Variants in ZNF554 observed in about 807,000 individuals in gnomAD.
The protein encoded by ZNF554 is zinc finger protein 554.
In ZNF554, 15 loss-of-function variants were observed where a neutral mutation model predicts 21.2. The observed-to-expected ratio is 0.71, with a 90% CI of 0.47 to 1.09. The LOEUF (loss-of-function observed/expected upper bound fraction) is 1.09. ZNF554 is among the 50% of genes least tolerant of loss of function. ZNF554 has a pLI of 0.00. For missense variants in ZNF554, 691 were observed against 662.7 expected, an observed-to-expected ratio of 1.04 and a Z score of -0.47; for synonymous variants, 258 against 251.4, an observed-to-expected ratio of 1.03 and a Z score of -0.25.
At chr19:2,824,560 A>G (rs965250696) in intron 2 of ZNF554, among the ~76,000 whole-genome samples, 2 of 152,234 alleles carry the variant, frequency 1.3e-5, no homozygotes, top group African/African-American at 4.8e-5. Flanking sequence ...TGTAACTGTG[A>G]TAAAACACAC....
chr19:2,820,088 A>C lies in ZNF554; in HGVS notation c.17A>C (p.His6Pro). 2 of 1,215,404 alleles carry C rather than the reference A, an allele frequency of 1.6e-6. No individual in the cohort carries two copies. Among genetic ancestry groups the C allele is most frequent in the South Asian group, 7.9e-5 (2 of 25,208 alleles). 75.3% of individuals were successfully genotyped at this position (1,215,404 alleles called of 1,614,324 possible). A position where few individuals can be genotyped will look rare whatever the true frequency, so the allele number is the denominator to read the frequency against. Residue 6 changes from histidine (H) to proline (P), a missense_variant, in exon 1 of 5, where the codon CAC becomes CCC. His to Pro is a moderately conservative substitution (Grantham distance 77, BLOSUM62 -2). Transcript: ENST00000317243. MVTCA[H>P]LGRRARLPAA... Reference sequence around the variant, plus strand: ...CGCGCCCCGATGGTCACCTGCGCCCACCTGGGCCGGCGCGCGCGGCTCCCG... The same window carrying C: ...CGCGCCCCGATGGTCACCTGCGCCCCCCTGGGCCGGCGCGCGCGGCTCCCG...
At chr19:2,820,193 C>A in intron 1 of ZNF554, 69 bp downstream of exon 1, 1 of 1,196,962 alleles carries the variant, frequency 8.4e-7, no homozygotes, top group South Asian at 4.2e-5. Flanking sequence ...GGGGCTGGGT[C>A]TGGCGGGGCC....
Position 2,836,358 on chromosome 19 carries a change from G to A in ZNF554, c.*1506G>A, listed in dbSNP as rs1191903411. Among the ~76,000 whole-genome samples, 1 of 152,330 alleles carries A rather than the reference G, an allele frequency of 6.6e-6. No individual in the cohort carries two copies. The highest frequency in any genetic ancestry group is 1.5e-5 in the Non-Finnish European group (1 of 68,034). On this transcript the variant is annotated 3_prime_UTR_variant, in exon 5 of 5. Coordinates refer to ENST00000317243, the MANE Select transcript of ZNF554 (RefSeq NM_001102651.2). ...TGCGAGCCGCCGTGCTGGGATTACA[G>A]GTGTGAACCACTGCTCCTGGCCTTT...
At chr19:2,825,313 C>A (rs529675844) in intron 2 of ZNF554, among the ~76,000 whole-genome samples, 43 of 151,582 alleles carry the variant, frequency 2.8e-4, no homozygotes, top group African/African-American at 1.0e-3. Context: ...CACGTCCGCC[C>A]TCTGCAGTTT....
At chr19:2,833,593 G>C (rs2087448964) in intron 4 of ZNF554, 88 bp from the exon 5 acceptor site, 2 of 1,131,828 alleles carry the variant, frequency 1.8e-6, no homozygotes, top group East Asian at 4.8e-5. Context: ...CACAGGCCTT[G>C]TAGATGTCAG....
chr19:2,827,824 A>G (rs1160851580), intron 3 of ZNF554, 81 bp downstream of exon 3: 9 of 1,547,494 alleles, frequency 5.8e-6, no homozygotes, highest in Non-Finnish European at 8.0e-6. Flanking sequence ...CTGCTAATAA[A>G]GAAATACCCA....
Position 2,836,490 on chromosome 19 carries a change from T to C in ZNF554, c.*1638T>C, listed in dbSNP as rs1198673545. On this transcript the variant is annotated 3_prime_UTR_variant, in exon 5 of 5. Coordinates refer to ENST00000317243, the MANE Select transcript of ZNF554 (RefSeq NM_001102651.2). ...GTATATGCTAAGACGGAAAGCGCTT[T>C]GGAGGTAAAGTTTAAAAAATACAAG... Among the ~76,000 whole-genome samples the C allele has an allele frequency of 6.6e-6, 1 of 152,210 alleles. No homozygotes were observed. The highest frequency in any genetic ancestry group is 1.5e-5 in the Non-Finnish European group (1 of 68,028).
chr19:2,820,218 T>C (rs2087244219), intron 1 of ZNF554, 94 bp downstream of exon 1: 8 of 1,137,046 alleles, frequency 7.0e-6, no homozygotes, highest in Non-Finnish European at 8.8e-6. Context: ...GGCCGGGGCA[T>C]GACCCTGTCG....
intron 4 of ZNF554, chr19:2,833,022 T>TC (rs1262870786): frequency 4.1e-5 from 4 of 98,008 alleles, no homozygotes; most frequent in African/African-American, 1.2e-4. Flanking sequence ...TTCTATTTTT[T>TC]CCCCCCATTT....
At chr19:2,830,022 T>C (rs567526974) in intron 3 of ZNF554, among the ~76,000 whole-genome samples, 1 of 152,302 alleles carries the variant, frequency 6.6e-6, no homozygotes, top group East Asian at 1.9e-4. Flanking sequence ...CCTCCTGGGT[T>C]CACGCCATTC....
At chr19:2,832,239 T>C in intron 3 of ZNF554, 64 bp from the exon 4 acceptor site, 3 of 1,486,078 alleles carry the variant, frequency 2.0e-6, no homozygotes, top group Non-Finnish European at 2.7e-6. Flanking sequence ...ATCTGTAATT[T>C]TTTAACTAGA....
intron 2 of ZNF554, among the ~76,000 whole-genome samples, chr19:2,826,530 C>T (rs957331773): frequency 2.6e-5 from 4 of 152,066 alleles, no homozygotes; most frequent in Non-Finnish European, 4.4e-5. Flanking sequence ...CAGATACCAG[C>T]TTACGTGCTG....
At position 2,821,308 on chromosome 19, in the gene ZNF554, A is replaced by T. The variant is rs113099097; in HGVS notation, c.53+1184A>T. On this transcript the variant is annotated intron_variant, in intron 1 of 4. Coordinates refer to ENST00000317243, the MANE Select transcript of ZNF554 (RefSeq NM_001102651.2). This position sits in a 1 kb window ranked among gnomAD's most constrained non-coding sequence, Gnocchi z 8.2. Reference sequence around the variant, plus strand: ...CTCCATGTTGGCCAGCCAGGCTGGTATCGAACTCCTGACCTCAGGTGATCC... The same window carrying T: ...CTCCATGTTGGCCAGCCAGGCTGGTTTCGAACTCCTGACCTCAGGTGATCC... Among the ~76,000 whole-genome samples the T allele has an allele frequency of 6.1e-3, 923 of 151,772 alleles. 20 individuals are homozygous for T. The highest frequency in any genetic ancestry group is 0.021 in the African/African-American group (875 of 41,174).
At chr19:2,824,306 A>G (rs2087299908) in intron 2 of ZNF554, among the ~76,000 whole-genome samples, 1 of 152,324 alleles carries the variant, frequency 6.6e-6, no homozygotes, top group Non-Finnish European at 1.5e-5. Flanking sequence ...AGCTGCACCC[A>G]GGAGGGCAGA....
At position 2,822,937 on chromosome 19, in the gene ZNF554, TG is replaced by T. The variant is rs968360851; in HGVS notation, c.54-97del. 11 of 1,197,336 alleles carry T rather than the reference TG, an allele frequency of 9.2e-6. No individual in the cohort carries two copies. In the African/African-American group the frequency reaches 1.1e-4, roughly 12 times the overall value. The allele number at this position is 1,197,336 out of a possible 1,614,324, so 74.2% of individuals were successfully genotyped here. A position where few individuals can be genotyped will look rare whatever the true frequency, so the allele number is the denominator to read the frequency against. On this transcript the variant is annotated intron_variant, in intron 1 of 4. Coordinates refer to ENST00000317243, the MANE Select transcript of ZNF554 (RefSeq NM_001102651.2). ...GCTTCAGTTTACCTCCCTCTGTGTATGGGGGGCCCCTTCAAGCAAATGGAGG... is the reference window on the plus strand; with the variant it reads ...GCTTCAGTTTACCTCCCTCTGTGTATGGGGGCCCCTTCAAGCAAATGGAGG...
At chr19:2,827,858 A>T in intron 3 of ZNF554, 115 bp downstream of exon 3, 1 of 1,359,856 alleles carries the variant, frequency 7.4e-7, no homozygotes, top group Non-Finnish European at 1.0e-6. Flanking sequence ...TGTAAAGGAA[A>T]GGGGGTTTAA....
rs1447000946 is a variant in ZNF554 at position 2,820,056 on chromosome 19, C to T, written c.-16C>T. On this transcript the variant is annotated 5_prime_UTR_variant, in exon 1 of 5. Coordinates refer to ENST00000317243, the MANE Select transcript of ZNF554 (RefSeq NM_001102651.2). ...CCGCCTCGGGGGCCCTGTCTGGCGC[C>T]TCAGCGCGCGCCCCGATGGTCACCT... The T allele has an allele frequency of 1.3e-5, 16 of 1,206,758 alleles. No individual in the cohort carries two copies. Among genetic ancestry groups the T allele is most frequent in the African/African-American group, 1.6e-5 (1 of 63,250 alleles). The allele number at this position is 1,206,758 out of a possible 1,614,324, so 74.8% of individuals were successfully genotyped here.
intron 2 of ZNF554, 22 bp from the exon 3 acceptor site, chr19:2,827,595 C>A: frequency 6.2e-7 from 1 of 1,605,756 alleles, no homozygotes; most frequent in Non-Finnish European, 8.5e-7. Flanking sequence ...CCATCTTGAG[C>A]AGAACTGCTG....
rs1599541797 is a variant in ZNF554, at chr19:2,821,727, C to T, written c.54-1313C>T. Among the ~76,000 whole-genome samples, 2 of 152,164 alleles carry T rather than the reference C, an allele frequency of 1.3e-5. No homozygotes were observed. Among genetic ancestry groups the T allele is most frequent in the Admixed American group, 1.3e-4 (2 of 15,294 alleles). Reference sequence around the variant, plus strand: ...CTGTCACCTGGCTGGAGTGCAGTGGCACGATCTCGGCTCACTGCAATCTCT... The same window carrying T: ...CTGTCACCTGGCTGGAGTGCAGTGGTACGATCTCGGCTCACTGCAATCTCT... On this transcript the variant is annotated intron_variant, in intron 1 of 4. Transcript: ENST00000317243. The surrounding 1 kb of genome is among the most constrained non-coding windows in gnomAD (Gnocchi z 8.2).
Sources: gnomAD v4.1 joint callset for allele counts (sites outside exome capture counted in the v4.1 genomes callset) on GRCh38, gnomAD v4.1.1 for gene constraint, Gnocchi (gnomAD v3.1) non-coding constraint, MANE v1.5 for transcripts, NCBI Gene and HGNC (gene_info 2026-07-23, HGNC 2026-07-21) for gene names.